Variants in CCDC148 observed in about 807,000 individuals in gnomAD.
CCDC148 encodes the protein coiled-coil domain-containing protein 148.
CCDC148 carries 89 observed loss-of-function variants against 85.7 expected under a neutral mutation model. The ratio of observed to expected loss-of-function variants is 1.04; its 90% CI spans 0.87 to 1.24. The LOEUF is 1.24. CCDC148 is among the 50% of genes most tolerant of loss of function. CCDC148 has a pLI of 0.00. For missense variants in CCDC148, 692 were observed against 671.7 expected (o/e 1.03, Z -0.33); for synonymous variants, 230 against 213.9 (o/e 1.08, Z -0.66).
At chr2:158,279,167 C>T (rs977636542) in intron 9 of CCDC148, among the ~76,000 whole-genome samples, 1 of 152,160 alleles carries the variant, frequency 6.6e-6, no homozygotes, top group Non-Finnish European at 1.5e-5. Flanking sequence ...GATAAAACCA[C>T]AAACATGGGG....
chr2:158,238,641 A>C (rs1232776818), intron 10 of CCDC148, among the ~76,000 whole-genome samples: 1 of 152,160 alleles, frequency 6.6e-6, no homozygotes, highest in Non-Finnish European at 1.5e-5. Flanking sequence ...AAGAATCTTG[A>C]AAGAATTTTA....
intron 1 of CCDC148, among the ~76,000 whole-genome samples, chr2:158,435,746 G>A (rs1687616865): frequency 6.6e-6 from 1 of 152,096 alleles, no homozygotes; most frequent in Admixed American, 6.5e-5. Context: ...CACGTGCACA[G>A]ACAAACATAA....
At chr2:158,332,890 A>ATT (rs146498059) in intron 7 of CCDC148, among the ~76,000 whole-genome samples, 61 of 150,898 alleles carry the variant, frequency 4.0e-4, no homozygotes, top group East Asian at 2.1e-3. Context: ...CCCCTATAAC[A>ATT]TGTTTTTTTG....
intron 1 of CCDC148, among the ~76,000 whole-genome samples, chr2:158,412,828 TATTATTATTATTA>T (rs1686320618): frequency 2.2e-4 from 6 of 26,732 alleles, no homozygotes; most frequent in Admixed American, 1.6e-3. Flanking sequence ...TATAAGTATT[TATTATTATTATTA>T]TTATTATTAT....
intron 1 of CCDC148, among the ~76,000 whole-genome samples, chr2:158,421,906 T>C (rs1195512922): frequency 6.6e-6 from 1 of 151,974 alleles, no homozygotes; most frequent in Non-Finnish European, 1.5e-5. Flanking sequence ...ATAAAGGGGT[T>C]ATCACCACCG....
Position 158,358,449 on chromosome 2 carries a change from CT to C in CCDC148, c.146del (p.Lys49ArgfsTer7), listed in dbSNP as rs767767834. The C allele has an allele frequency of 6.3e-5, 101 of 1,604,434 alleles. 1 individual carries two copies. In the African/African-American group the frequency reaches 1.2e-3, roughly 19 times the overall value. ...AACACATACACACACAACTTCTAAC[CT>C]TTAGCTTTGCAGAGGCAGAAGCCAA... ...KKLASASAKLKIRKAMLTSKL... is the reference protein window; with the variant it reads ...KKLASASAKLXIRKAMLTSKL... On this transcript the variant is annotated frameshift_variant and splice_region_variant, in exon 2 of 14. Coordinates refer to ENST00000283233, the MANE Select transcript of CCDC148 (RefSeq NM_138803.4). LOFTEE classifies it high-confidence loss of function.
In CCDC148 at chr2:158,302,208, G is replaced by C. The variant is rs62184075; in HGVS notation, c.1110+7225C>G. 4.9e-3 allele frequency among the ~76,000 whole-genome samples: 743 copies of C among 152,222 alleles called. 4 individuals are homozygous for C. Among genetic ancestry groups the C allele is most frequent in the Middle Eastern group, 0.01 (3 of 294 alleles). On this transcript the variant is annotated intron_variant, in intron 9 of 13. Coordinates refer to ENST00000283233, the MANE Select transcript of CCDC148 (RefSeq NM_138803.4). ...GCAAGAGACAGAAAGGCATAGGGTG[G>C]GGAGGAAGAAATTAGGGGTTGTTTC...
chr2:158,297,295 C>A (rs900783298), intron 9 of CCDC148, among the ~76,000 whole-genome samples: 13 of 152,120 alleles, frequency 8.5e-5, no homozygotes, highest in Non-Finnish European at 2.9e-5. Context: ...AGCAAATACC[C>A]CCTAAATGAC....
chr2:158,404,572 A>G (rs1574762629), intron 1 of CCDC148, among the ~76,000 whole-genome samples: 1 of 152,324 alleles, frequency 6.6e-6, no homozygotes, highest in East Asian at 1.9e-4. Flanking sequence ...CTTTAAAATT[A>G]CAAGTTTTTA....
chr2:158,441,910 A>G (rs374274178), intron 1 of CCDC148, among the ~76,000 whole-genome samples: 1 of 152,240 alleles, frequency 6.6e-6, no homozygotes, highest in Admixed American at 6.5e-5. Flanking sequence ...TTCATATGAC[A>G]TATTTGTTAT....
At chr2:158,246,588 C>G (rs1450470693) in intron 10 of CCDC148, among the ~76,000 whole-genome samples, 2 of 152,096 alleles carry the variant, frequency 1.3e-5, no homozygotes, top group Non-Finnish European at 2.9e-5. Flanking sequence ...AAAACTGGGA[C>G]CCAGTATAGG....
At chr2:158,191,805 T>C (rs1425828509) in intron 11 of CCDC148, among the ~76,000 whole-genome samples, 1 of 151,970 alleles carries the variant, frequency 6.6e-6, no homozygotes, top group African/African-American at 2.4e-5. Flanking sequence ...TCCTTTTTTT[T>C]CTTTGGAGAC....
At chr2:158,442,689 GT>G (rs1687986008) in intron 1 of CCDC148, among the ~76,000 whole-genome samples, 3 of 152,220 alleles carry the variant, frequency 2.0e-5, no homozygotes, top group Non-Finnish European at 2.9e-5. Context: ...ATGCAGTGTT[GT>G]TCCCCTGCTT....
chr2:158,276,635 G>T (rs1689960446), intron 9 of CCDC148, among the ~76,000 whole-genome samples: 1 of 152,052 alleles, frequency 6.6e-6, no homozygotes, highest in Admixed American at 6.6e-5. Flanking sequence ...TTAAGACTGG[G>T]CATGAAGTTA....
intron 10 of CCDC148, among the ~76,000 whole-genome samples, chr2:158,240,452 T>TCACACA (rs4028276): frequency 0.011 from 1,345 of 120,462 alleles, 26 homozygotes; most frequent in African/African-American, 0.036. Flanking sequence ...TCTCTCTCTC[T>TCACACA]CACACACACA....
chr2:158,333,054 T>G (rs1693228138), intron 7 of CCDC148, among the ~76,000 whole-genome samples: 1 of 152,154 alleles, frequency 6.6e-6, no homozygotes, highest in Admixed American at 6.6e-5. Context: ...CTGATCTTAG[T>G]TATTTCTTGT....
intron 9 of CCDC148, among the ~76,000 whole-genome samples, chr2:158,299,815 G>T (rs752300868): frequency 1.8e-4 from 27 of 152,248 alleles, no homozygotes; most frequent in Non-Finnish European, 3.1e-4. Flanking sequence ...GAGAAGGGGG[G>T]AATTATGGAA....
chr2:158,213,944 T>A (rs10179554), intron 11 of CCDC148, among the ~76,000 whole-genome samples: 1 of 151,802 alleles, frequency 6.6e-6, no homozygotes, highest in African/African-American at 2.4e-5. Context: ...AAAGAACAAC[T>A]ACTGCATGCG....
intron 10 of CCDC148, among the ~76,000 whole-genome samples, chr2:158,223,092 A>C (rs1209247807): frequency 6.6e-6 from 1 of 152,136 alleles, no homozygotes; most frequent in African/African-American, 2.4e-5. Flanking sequence ...GACAGACAGC[A>C]CCTGGAAAAT....
Sources: gnomAD v4.1 joint callset for allele counts (sites outside exome capture counted in the v4.1 genomes callset) on GRCh38, gnomAD v4.1.1 for gene constraint, MANE v1.5 for transcripts, NCBI Gene and HGNC (gene_info 2026-07-23, HGNC 2026-07-21) for gene names.